The following KDM4B variants were observed in gnomAD, a reference collection of about 807,000 sequenced individuals.
KDM4B encodes lysine-specific demethylase 4B.
KDM4B carries 32 observed loss-of-function variants against 125.2 expected under a neutral mutation model. That is an observed-to-expected ratio of 0.26 (90% confidence interval 0.19 to 0.34). KDM4B has a LOEUF of 0.34. KDM4B is among the 10% of genes least tolerant of loss of function. The pLI, the probability that KDM4B is intolerant of heterozygous loss-of-function variation, is 1.00. For missense variants in KDM4B, 1,190 were observed against 1,577.7 expected, an observed-to-expected ratio of 0.75 and a Z score of 4.16; for synonymous variants, 721 against 677.9, an observed-to-expected ratio of 1.06 and a Z score of -0.99.
intron 1 of KDM4B, among the ~76,000 whole-genome samples, chr19:4,989,410 T>C (rs1203483163): frequency 6.6e-6 from 1 of 152,200 alleles, no homozygotes; most frequent in African/African-American, 2.4e-5. Context: ...CGATCTTGGC[T>C]CACTGTAACC....
Position 4,996,656 on chromosome 19 carries a change from GTC to G in KDM4B, c.-108-19600_-108-19599del, listed in dbSNP as rs1177161952. Among the ~76,000 whole-genome samples the G allele has an allele frequency of 4.2e-3, 636 of 152,234 alleles. 7 individuals carry two copies. The highest frequency in any genetic ancestry group is 0.015 in the African/African-American group (604 of 41,530). ...TGGTCTGAATTTGTGCCCCTGCACA[GTC>G]ATTGTGGGACAGTCATTGTGTTGGG... On this transcript the variant is annotated intron_variant, in intron 1 of 22. Coordinates refer to ENST00000159111, the MANE Select transcript of KDM4B (RefSeq NM_015015.3).
chr19:5,051,741 C>T (rs1433523248), intron 6 of KDM4B, among the ~76,000 whole-genome samples: 1 of 152,242 alleles, frequency 6.6e-6, no homozygotes, highest in Admixed American at 6.5e-5. Context: ...AGGTGAAGCC[C>T]CCAAGAGCAG....
At chr19:5,058,691 C>T (rs1005579787) in intron 6 of KDM4B, among the ~76,000 whole-genome samples, 47 of 152,358 alleles carry the variant, frequency 3.1e-4, no homozygotes, top group African/African-American at 1.1e-3. Flanking sequence ...CTCGCTCACC[C>T]GCTGGCTTGG....
chr19:5,118,265 A>G (rs922767975), intron 10 of KDM4B, among the ~76,000 whole-genome samples: 1 of 152,216 alleles, frequency 6.6e-6, no homozygotes, highest in African/African-American at 2.4e-5. Context: ...CCATGGGGAC[A>G]GGGGACACGG....
chr19:4,987,299 C>G (rs780124378), intron 1 of KDM4B, among the ~76,000 whole-genome samples: 1 of 152,218 alleles, frequency 6.6e-6, no homozygotes, highest in Non-Finnish European at 1.5e-5. Flanking sequence ...ACCTGAGAGG[C>G]GCTCTTGGCC....
intron 1 of KDM4B, among the ~76,000 whole-genome samples, chr19:4,977,684 A>G (rs1247348115): frequency 6.6e-6 from 1 of 152,222 alleles, no homozygotes; most frequent in African/African-American, 2.4e-5. Flanking sequence ...TTTTGACCAC[A>G]GAGCCAGCCT....
chr19:5,134,124 G>A (rs1253396681), intron 14 of KDM4B, 63 bp downstream of exon 14: 1 of 1,477,688 alleles, frequency 6.8e-7, no homozygotes, highest in African/African-American at 1.4e-5. Context: ...AGAGGGCGAG[G>A]GACCGGGCAC....
intron 1 of KDM4B, among the ~76,000 whole-genome samples, chr19:4,982,427 G>T (rs1257634331): frequency 6.8e-6 from 1 of 146,222 alleles, no homozygotes; most frequent in Non-Finnish European, 1.5e-5. Context: ...GCTCCAGCCT[G>T]GGTGACAAGA....
chr19:5,130,805 C>G (rs1271544202), intron 11 of KDM4B, among the ~76,000 whole-genome samples: 1 of 152,242 alleles, frequency 6.6e-6, no homozygotes, highest in Non-Finnish European at 1.5e-5. Flanking sequence ...AGAGCAACAC[C>G]TGGTGGGTCC....
At chr19:4,975,790 G>A (rs1207586604) in intron 1 of KDM4B, among the ~76,000 whole-genome samples, 2 of 151,156 alleles carry the variant, frequency 1.3e-5, no homozygotes, top group African/African-American at 4.9e-5. Flanking sequence ...ATGGGATTGC[G>A]CCATGTTGGC....
chr19:5,118,814 G>A (rs968313621), intron 10 of KDM4B, among the ~76,000 whole-genome samples: 2 of 152,226 alleles, frequency 1.3e-5, no homozygotes, highest in Admixed American at 6.5e-5. Context: ...TGCAGGGACC[G>A]GGACCTCCCC....
At chr19:5,150,317 C>T (rs1451721215) in intron 21 of KDM4B, 41 bp from the exon 22 acceptor site, 3 of 1,513,706 alleles carry the variant, frequency 2.0e-6, no homozygotes, top group Non-Finnish European at 9.0e-7. Flanking sequence ...CACCTGCCAT[C>T]CTGGCAGTGC....
At chr19:5,119,235 G>T in intron 10 of KDM4B, 4 of 1,483,734 alleles carry the variant, frequency 2.7e-6, no homozygotes, top group Non-Finnish European at 3.6e-6. Flanking sequence ...TGTCTTTTTC[G>T]TTCCGTTTGT....
intron 6 of KDM4B, among the ~76,000 whole-genome samples, chr19:5,055,419 C>G (rs1014138332): frequency 6.6e-6 from 1 of 152,260 alleles, no homozygotes; most frequent in African/African-American, 2.4e-5. Context: ...GCACTCCAAG[C>G]TCTCCTCCAG....
Position 5,137,618 on chromosome 19 carries a change from C to A in KDM4B, c.2386-3C>A. On this transcript the variant is annotated splice_polypyrimidine_tract_variant and splice_region_variant and intron_variant, in intron 16 of 22. Coordinates refer to ENST00000159111, the MANE Select transcript of KDM4B (RefSeq NM_015015.3). The stretch of plus-strand genomic sequence containing the variant: ...CTCATCCAGGGCTGTCTGGTCTCCA[C>A]AGGAGTGCTGCCTGTGCAACCTGCG... The A allele has an allele frequency of 6.2e-7, 1 of 1,604,638 alleles. No homozygotes were observed. Among genetic ancestry groups the A allele is most frequent in the Non-Finnish European group, 8.5e-7 (1 of 1,178,580 alleles).
At chr19:5,025,750 G>A (rs138826984) in intron 2 of KDM4B, among the ~76,000 whole-genome samples, 55 of 152,328 alleles carry the variant, frequency 3.6e-4, no homozygotes, top group African/African-American at 1.3e-3. Flanking sequence ...GCCCTGGACC[G>A]CCCAGAACTT....
chr19:4,989,415 G>GTA (rs2034959808), intron 1 of KDM4B, among the ~76,000 whole-genome samples: 1 of 152,056 alleles, frequency 6.6e-6, no homozygotes, highest in African/African-American at 2.4e-5. Flanking sequence ...TTGGCTCACT[G>GTA]TAACCTCCGT....
chr19:4,992,875 A>C (rs2035072594), intron 1 of KDM4B, among the ~76,000 whole-genome samples: 1 of 152,148 alleles, frequency 6.6e-6, no homozygotes, highest in Admixed American at 6.6e-5. Flanking sequence ...TGTACTTGTG[A>C]ATCCCCAAAT....
chr19:5,012,830 C>T (rs374241759), intron 1 of KDM4B, among the ~76,000 whole-genome samples: 8 of 152,210 alleles, frequency 5.3e-5, no homozygotes, highest in African/African-American at 1.9e-4. Flanking sequence ...TCATCCTCTC[C>T]CCGGGATGCT....
Sources: gnomAD v4.1 joint callset for allele counts (sites outside exome capture counted in the v4.1 genomes callset) on GRCh38, gnomAD v4.1.1 for gene constraint, MANE v1.5 for transcripts, NCBI Gene and HGNC (gene_info 2026-07-23, HGNC 2026-07-21) for gene names.